PRKAG2: variants seen among roughly 807,000 people sequenced by gnomAD.
PRKAG2 encodes protein kinase AMP-activated non-catalytic subunit gamma 2.
PRKAG2 carries 26 observed loss-of-function variants against 69.6 expected under a neutral mutation model. That is an observed-to-expected ratio of 0.37 (90% CI 0.27 to 0.52). PRKAG2 has a LOEUF of 0.52. Ranked by LOEUF, PRKAG2 falls within the 20% of genes least tolerant of loss-of-function variation. The pLI is 0.90. For missense variants in PRKAG2, 557 were observed against 740.0 expected (o/e 0.75, Z 2.87); for synonymous variants, 293 against 285.0 (o/e 1.03, Z -0.28).
At chr7:151,669,995 CAT>C (rs759620532) in intron 4 of PRKAG2, among the ~76,000 whole-genome samples, 6 of 110,788 alleles carry the variant, frequency 5.4e-5, no homozygotes, top group Admixed American at 1.8e-4. Flanking sequence ...CACTTGCATG[CAT>C]ACACACCTGT....
At chr7:151,832,246 A>AGGAAGGGAGGAGGGAG (rs2079046550) in intron 1 of PRKAG2, among the ~76,000 whole-genome samples, 1 of 18,300 alleles carries the variant, frequency 5.5e-5, no homozygotes, top group African/African-American at 1.6e-4. Flanking sequence ...GGAGGAGGGA[A>AGGAAGGGAGGAGGGAG]GGAAGGGAGG....
At chr7:151,873,632 CT>C (rs1563771842) in intron 1 of PRKAG2, among the ~76,000 whole-genome samples, 2 of 152,194 alleles carry the variant, frequency 1.3e-5, no homozygotes. Context: ...TGAATGAATA[CT>C]ACTTTCGCGG....
chr7:151,703,847 C>CACACAT (rs1459682671), intron 3 of PRKAG2, among the ~76,000 whole-genome samples: 1 of 19,666 alleles, frequency 5.1e-5, no homozygotes, highest in African/African-American at 2.0e-4. Flanking sequence ...TACTGGAAAA[C>CACACAT]ACACACACAC....
intron 4 of PRKAG2, among the ~76,000 whole-genome samples, chr7:151,665,859 A>AT (rs1178698606): frequency 9.2e-5 from 14 of 152,164 alleles, no homozygotes; most frequent in Admixed American, 5.2e-4. Flanking sequence ...ATATTTATAG[A>AT]TTTTTTAAGT....
intron 3 of PRKAG2, among the ~76,000 whole-genome samples, chr7:151,713,319 C>T (rs1200326030): frequency 6.6e-6 from 1 of 152,184 alleles, no homozygotes; most frequent in East Asian, 1.9e-4. Context: ...TTTCCCCCCA[C>T]CCAAAGCAGA....
intron 3 of PRKAG2, among the ~76,000 whole-genome samples, chr7:151,779,475 G>A (rs369709360): frequency 2.2e-4 from 34 of 152,214 alleles, no homozygotes; most frequent in Non-Finnish European, 4.1e-4. Context: ...GAGGCGGAGG[G>A]TGATGGTTCC....
At chr7:151,610,739 CTTTT>C (rs10523596) in intron 5 of PRKAG2, among the ~76,000 whole-genome samples, 2 of 105,568 alleles carry the variant, frequency 1.9e-5, no homozygotes, top group Non-Finnish European at 3.7e-5. Flanking sequence ...TTTTTCTTTT[CTTTT>C]TTTTTTTTTT....
chr7:151,785,726 G>A lies in PRKAG2; in HGVS notation c.186+744C>T, dbSNP rs112114813. Among the ~76,000 whole-genome samples, 544 of 152,230 alleles carry A rather than the reference G, an allele frequency of 3.6e-3. 5 individuals carry two copies. The highest frequency in any genetic ancestry group is 0.012 in the African/African-American group (517 of 41,536). On this transcript the variant is annotated intron_variant, in intron 2 of 15. Transcript: ENST00000287878. The stretch of plus-strand genomic sequence containing the variant: ...TGGGTGGCAGAATGCCAGGAAGCAC[G>A]TCCCCTACCAGGCCTCCACCCACCC...
rs1250534301 is a variant in PRKAG2 at position 151,583,414 on chromosome 7, C to G, written c.865-6962G>C. The stretch of plus-strand genomic sequence containing the variant: ...TAATATTCCAAACGGACATGATACT[C>G]GTACAATGCATTAAAGAGCAGTGTC... On this transcript the variant is annotated intron_variant, in intron 6 of 15. Transcript: ENST00000287878. The surrounding 1 kb of genome is among the most constrained non-coding windows in gnomAD (Gnocchi z 4.1). Among the ~76,000 whole-genome samples, 3 of 152,198 alleles carry G rather than the reference C, an allele frequency of 2.0e-5. No individual in the cohort carries two copies. The highest frequency in any genetic ancestry group is 4.4e-5 in the Non-Finnish European group (3 of 68,034).
intron 3 of PRKAG2, among the ~76,000 whole-genome samples, chr7:151,709,660 CTGAA>C (rs1839233025): frequency 6.6e-6 from 1 of 152,030 alleles, no homozygotes; most frequent in East Asian, 1.9e-4. Context: ...ATATGTGACA[CTGAA>C]TGACACATGT....
At chr7:151,832,602 G>GT (rs1554614833) in intron 1 of PRKAG2, among the ~76,000 whole-genome samples, 1 of 151,432 alleles carries the variant, frequency 6.6e-6, no homozygotes, top group Non-Finnish European at 1.5e-5. Flanking sequence ...CTCTGGGGGG[G>GT]GGGTCCCAGC....
Position 151,565,870 on chromosome 7 carries a change from T to G in PRKAG2, c.1249A>C (p.Lys417Gln). 6.2e-7 allele frequency: 1 copy of G among 1,613,696 alleles called. No homozygotes were observed. Among genetic ancestry groups the G allele is most frequent in the Non-Finnish European group, 8.5e-7 (1 of 1,179,556 alleles). Residue 417 changes from lysine (K) to glutamine (Q), a missense_variant, in exon 12 of 16, where the codon AAG (lysine) becomes CAG (glutamine). By Grantham distance (53) the Lys-to-Gln change is moderately conservative. This residue lies in a region of PRKAG2 where 205 missense variants were observed against 383.4 expected (regional missense o/e 0.53). Coordinates refer to ENST00000287878, the MANE Select transcript of PRKAG2 (RefSeq NM_016203.4). ...FLQLFMSDMP[K>Q]PAFMKQNLDE... ...AGGTTCTGCTTCATGAAGGCAGGCT[T>G]TGGCATATCAGACATCTAAACGGAA...
intron 1 of PRKAG2, among the ~76,000 whole-genome samples, chr7:151,855,201 C>CCACCCTCT: frequency 7.4e-6 from 1 of 134,384 alleles, no homozygotes; most frequent in Non-Finnish European, 1.6e-5. Flanking sequence ...CCTCCACACA[C>CCACCCTCT]ACCACCCTCC....
chr7:151,829,829 G>A (rs899804073), intron 1 of PRKAG2, among the ~76,000 whole-genome samples: 1 of 151,894 alleles, frequency 6.6e-6, no homozygotes, highest in Non-Finnish European at 1.5e-5. Context: ...ATAAGAGGAC[G>A]GGGTTGACGG....
At position 151,814,642 on chromosome 7, in the gene PRKAG2, G is replaced by A. The variant is rs2078585568; in HGVS notation, c.115-28101C>T. 4 of 1,231,718 alleles carry A rather than the reference G, an allele frequency of 3.2e-6. No homozygotes were observed. Among genetic ancestry groups the A allele is most frequent in the South Asian group, 4.1e-5 (1 of 24,326 alleles). The allele number at this position is 1,231,718 out of a possible 1,614,324, so 76.3% of individuals were successfully genotyped here. ...GTGCTCCGAGCTGCTGCCACTGCAT[G>A]TCTGCAACAGATGGGGACCGGGGCT... is the stretch of plus-strand genomic sequence containing the variant. On this transcript the variant is annotated intron_variant, in intron 1 of 15. Coordinates refer to ENST00000287878, the MANE Select transcript of PRKAG2 (RefSeq NM_016203.4). The surrounding 1 kb of genome is among the most constrained non-coding windows in gnomAD (Gnocchi z 4.8).
In PRKAG2 at chr7:151,787,982, G is replaced by A. The variant is rs1324211732; in HGVS notation, c.115-1441C>T. 3.9e-5 allele frequency among the ~76,000 whole-genome samples: 6 copies of A among 152,310 alleles called. No individual in the cohort carries two copies. The East Asian group carries it at 1.2e-3, about 29-fold the overall frequency. The stretch of plus-strand genomic sequence containing the variant: ...TTAGACTTCTAGCCTCCAGAATCAT[G>A]AGAAAACATATTTCTGTTGTTTAAG... On this transcript the variant is annotated intron_variant, in intron 1 of 15. Coordinates refer to ENST00000287878, the MANE Select transcript of PRKAG2 (RefSeq NM_016203.4).
intron 3 of PRKAG2, among the ~76,000 whole-genome samples, chr7:151,743,752 G>A (rs2074063917): frequency 6.6e-6 from 1 of 152,204 alleles, no homozygotes; most frequent in Admixed American, 6.5e-5. Context: ...TCCATGCTCG[G>A]CATCCCTGGG....
At chr7:151,730,079 C>A (rs2536065) in intron 3 of PRKAG2, among the ~76,000 whole-genome samples, 37,207 of 152,114 alleles carry the variant, frequency 0.24, 5,582 homozygotes, top group East Asian at 0.44. Context: ...TGATGGAGGA[C>A]ATGGCAGGTG....
At chr7:151,735,949 G>A (rs1228579329) in intron 3 of PRKAG2, 11 of 1,536,380 alleles carry the variant, frequency 7.2e-6, no homozygotes, top group Non-Finnish European at 9.6e-6. Context: ...TTCGATTTTG[G>A]TCCTTGTGTT....
Sources: gnomAD v4.1 joint callset for allele counts (sites outside exome capture counted in the v4.1 genomes callset) on GRCh38, gnomAD v4.1.1 for gene constraint, gnomAD v4.1.1 regional missense constraint, Gnocchi (gnomAD v3.1) non-coding constraint, MANE v1.5 for transcripts, NCBI Gene and HGNC (gene_info 2026-07-23, HGNC 2026-07-21) for gene names.